The following RASSF2 variants were observed in gnomAD, a reference collection of about 807,000 sequenced individuals.
RASSF2 encodes the protein Ras association domain family member 2, also known as ras association domain-containing protein 2.
Under a neutral mutation model 46.3 loss-of-function variants are expected in RASSF2, and 34 were observed. The ratio of observed to expected loss-of-function variants is 0.73; its 90% CI spans 0.56 to 0.98. RASSF2 has a LOEUF of 0.98. RASSF2 is among the 50% of genes least tolerant of loss of function. The probability of loss-of-function intolerance (pLI) is 0.00; values close to 1 mark genes in which losing one functional copy is unlikely to be tolerated. For missense variants in RASSF2, 364 were observed against 431.2 expected, an observed-to-expected ratio of 0.84 and a Z score of 1.38; for synonymous variants, 158 against 162.5, an observed-to-expected ratio of 0.97 and a Z score of 0.21.
intron 3 of RASSF2, 115 bp downstream of exon 3, chr20:4,800,857 G>C (rs1239082860): frequency 2.4e-6 from 2 of 847,008 alleles, no homozygotes; most frequent in Non-Finnish European, 4.0e-6. Context: ...CCATGCAGGA[G>C]CCCCACCAGT....
chr20:4,813,715 A>C (rs556431622), intron 2 of RASSF2, among the ~76,000 whole-genome samples: 1 of 152,200 alleles, frequency 6.6e-6, no homozygotes, highest in South Asian at 2.1e-4. Flanking sequence ...GACTCCAGAA[A>C]AAAGCAGCTG....
chr20:4,819,882 C>T (rs567414004), intron 2 of RASSF2, among the ~76,000 whole-genome samples: 2 of 152,216 alleles, frequency 1.3e-5, no homozygotes, highest in Non-Finnish European at 2.9e-5. Context: ...GCCCGTTCCA[C>T]AGGAATGGAT....
At chr20:4,807,707 G>A (rs1927453370) in intron 2 of RASSF2, among the ~76,000 whole-genome samples, 2 of 152,122 alleles carry the variant, frequency 1.3e-5, no homozygotes, top group Non-Finnish European at 2.9e-5. Flanking sequence ...CGACCTATGG[G>A]GTCATGTTGC....
At chr20:4,820,528 T>A (rs1280492515) in intron 2 of RASSF2, among the ~76,000 whole-genome samples, 1 of 151,540 alleles carries the variant, frequency 6.6e-6, no homozygotes, top group Non-Finnish European at 1.5e-5. Context: ...ATAATAATAA[T>A]AAATATAAAT....
At position 4,790,605 on chromosome 20, in the gene RASSF2, C is replaced by A. The variant is rs1275156900; in HGVS notation, c.383G>T (p.Arg128Met). The A allele has an allele frequency of 2.0e-6, 3 of 1,520,224 alleles. No homozygotes were observed. Among genetic ancestry groups the A allele is most frequent in the Non-Finnish European group, 2.6e-6 (3 of 1,145,542 alleles). The allele number at this position is 1,520,224 out of a possible 1,614,324, so 94.2% of individuals were successfully genotyped here. Residue 128 changes from arginine (R) to methionine (M), a missense_variant, in exon 7 of 12, where the codon AGG becomes ATG. By Grantham distance (91) the Arg-to-Met change is moderately conservative. Coordinates refer to ENST00000379400, the MANE Select transcript of RASSF2 (RefSeq NM_014737.3). The surrounding 1 kb of genome is among the most constrained non-coding windows in gnomAD (Gnocchi z 4.3). Reference protein sequence around the residue: ...GDQMPSSTDSRGLKPLQEDTP... With the variant: ...GDQMPSSTDSMGLKPLQEDTP... Reference sequence around the variant, plus strand: ...GTCCTCCTGCAGGGGCTTCAGGCCCCTGGAGTCTGAGAGAGGAGAGGGAAA... The same window carrying A: ...GTCCTCCTGCAGGGGCTTCAGGCCCATGGAGTCTGAGAGAGGAGAGGGAAA...
At chr20:4,789,782 C>G (rs1312056098) in intron 7 of RASSF2, 85 bp from the exon 8 acceptor site, 2 of 1,145,096 alleles carry the variant, frequency 1.7e-6, no homozygotes, top group Non-Finnish European at 2.6e-6. Context: ...GGCACAGTGA[C>G]AACGATACTC....
At position 4,780,154 on chromosome 20, in the gene RASSF2, G is replaced by A. The variant is rs369768379; in HGVS notation, c.*4119C>T. 2.6e-5 allele frequency: 4 copies of A among 152,270 alleles called. No individual in the cohort carries two copies. Among genetic ancestry groups the A allele is most frequent in the African/African-American group, 9.7e-5 (4 of 41,450 alleles). 9.4% of individuals were successfully genotyped at this position (152,270 alleles called of 1,614,324 possible). A position where few individuals can be genotyped will look rare whatever the true frequency, so the allele number is the denominator to read the frequency against. On this transcript the variant is annotated 3_prime_UTR_variant, in exon 12 of 12. Transcript: ENST00000379400. Reference sequence around the variant, plus strand: ...ATGTTAGATGAGTAAACGCATCAGTGTGTAAGTTCAGAACCAAACGTTGAA... The same window carrying A: ...ATGTTAGATGAGTAAACGCATCAGTATGTAAGTTCAGAACCAAACGTTGAA...
At chr20:4,789,393 A>T (rs1276063273) in intron 8 of RASSF2, among the ~76,000 whole-genome samples, 1 of 152,112 alleles carries the variant, frequency 6.6e-6, no homozygotes, top group East Asian at 1.9e-4. Context: ...GGGCCTGAGA[A>T]TCTGAATTTC....
intron 2 of RASSF2, among the ~76,000 whole-genome samples, chr20:4,811,684 G>A (rs1400551919): frequency 1.3e-5 from 2 of 152,186 alleles, no homozygotes; most frequent in African/African-American, 4.8e-5. Flanking sequence ...GGGTCTATGT[G>A]TGCAGGCACT....
intron 11 of RASSF2, among the ~76,000 whole-genome samples, chr20:4,785,183 G>GA (rs1187353450): frequency 1.4e-5 from 2 of 145,490 alleles, no homozygotes; most frequent in Admixed American, 6.9e-5. Flanking sequence ...AAGAAAGAAA[G>GA]AAAAAAATAG....
chr20:4,798,422 G>A (rs2281641), intron 3 of RASSF2, among the ~76,000 whole-genome samples: 23,755 of 152,118 alleles, frequency 0.16, 1,919 homozygotes, highest in East Asian at 0.19. Context: ...GATTCACTGA[G>A]GCGAGCACTT....
chr20:4,810,685 T>C (rs1027280269), intron 2 of RASSF2, among the ~76,000 whole-genome samples: 4 of 152,128 alleles, frequency 2.6e-5, no homozygotes, highest in Non-Finnish European at 4.4e-5. Context: ...GTGGTCACTT[T>C]TGTTTTTTGT....
Position 4,811,191 on chromosome 20 carries a change from A to T in RASSF2, c.-32-10129T>A, listed in dbSNP as rs1317659654. 2.6e-5 allele frequency among the ~76,000 whole-genome samples: 4 copies of T among 152,294 alleles called. No homozygotes were observed. The East Asian group carries it at 7.7e-4, about 29-fold the overall frequency. On this transcript the variant is annotated intron_variant, in intron 2 of 11. Transcript: ENST00000379400. ...GTGAGACCCCATCTCTACAAAAAAT[A>T]AAAAAATAAAAAATTAGCCAGGCAC...
At position 4,798,045 on chromosome 20, in the gene RASSF2, A is replaced by AG; in HGVS notation, c.99dup (p.Tyr34LeufsTer2). ...CGGAGCTGTAAATTCTGGCCTTCAT[A>AG]GTACAAGTTGTAGGTCTTCAGATGC... On this transcript the variant is annotated frameshift_variant, in exon 4 of 12. Coordinates refer to ENST00000379400, the MANE Select transcript of RASSF2 (RefSeq NM_014737.3). LOFTEE classifies it high-confidence loss of function. 6.2e-7 allele frequency: 1 copy of AG among 1,613,998 alleles called. No individual in the cohort carries two copies. The highest frequency in any genetic ancestry group is 1.7e-5 in the Admixed American group (1 of 60,022).
intron 2 of RASSF2, among the ~76,000 whole-genome samples, chr20:4,804,356 T>TC (rs1468550540): frequency 8.9e-5 from 13 of 146,212 alleles, no homozygotes; most frequent in Middle Eastern, 3.5e-3. Flanking sequence ...AAGCTTTCTT[T>TC]TTTTTTTTTT....
chr20:4,801,134 G>T, intron 2 of RASSF2, 72 bp from the exon 3 acceptor site: 1 of 1,230,234 alleles, frequency 8.1e-7, no homozygotes, highest in South Asian at 1.2e-5. Flanking sequence ...ACTTGGGGTG[G>T]GGAGGGGGCA....
At chr20:4,805,014 C>T (rs1052367765) in intron 2 of RASSF2, among the ~76,000 whole-genome samples, 1 of 151,984 alleles carries the variant, frequency 6.6e-6, no homozygotes, top group African/African-American at 2.4e-5. Flanking sequence ...GCAGGCAACT[C>T]GGAGCTGTGC....
At chr20:4,816,238 G>A (rs1259638284) in intron 2 of RASSF2, among the ~76,000 whole-genome samples, 2 of 152,090 alleles carry the variant, frequency 1.3e-5, no homozygotes, top group East Asian at 1.9e-4. Context: ...CCCAGGAGAC[G>A]GAAGCTGCAG....
chr20:4,792,256 A>G (rs974968887), intron 6 of RASSF2, among the ~76,000 whole-genome samples: 18 of 35,416 alleles, frequency 5.1e-4, no homozygotes, highest in East Asian at 1.9e-3. Flanking sequence ...GGAAGGGGAG[A>G]GGAGGGGAGG....
Sources: gnomAD v4.1 joint callset for allele counts (sites outside exome capture counted in the v4.1 genomes callset) on GRCh38, gnomAD v4.1.1 for gene constraint, Gnocchi (gnomAD v3.1) non-coding constraint, MANE v1.5 for transcripts, NCBI Gene and HGNC (gene_info 2026-07-23, HGNC 2026-07-21) for gene names.